Variants in GNAL observed in about 807,000 individuals in gnomAD.
The protein encoded by GNAL is G protein subunit alpha L.
Under a neutral mutation model 55.1 loss-of-function variants are expected in GNAL, and 18 were observed. The ratio of observed to expected loss-of-function variants is 0.33; its 90% CI spans 0.23 to 0.48. GNAL has a LOEUF of 0.48. Ranked by LOEUF, GNAL falls within the 20% of genes least tolerant of loss-of-function variation. The probability of loss-of-function intolerance (pLI) is 0.99; values close to 1 mark genes in which losing one functional copy is unlikely to be tolerated. For missense variants in GNAL, 412 were observed against 614.1 expected, an observed-to-expected ratio of 0.67 and a Z score of 3.48; for synonymous variants, 253 against 237.0, an observed-to-expected ratio of 1.07 and a Z score of -0.62.
chr18:11,743,975 T>A (rs972273401), intron 1 of GNAL, among the ~76,000 whole-genome samples: 1 of 152,222 alleles, frequency 6.6e-6, no homozygotes, highest in African/African-American at 2.4e-5. Context: ...TTCATTCTAT[T>A]TGCAGGTTCC....
Position 11,689,758 on chromosome 18 carries a change from G to T in GNAL, c.195G>T (p.Arg65=). ...RGGEGSPACA[R]PKADKPKEKR... is the part of the protein sequence containing the mutation. The stretch of plus-strand genomic sequence containing the variant: ...GCGAAGGGAGCCCGGCATGCGCTCG[G>T]CCCAAAGCAGACAAGCCGAAGGAGA... Residue 65 remains arginine, a synonymous_variant, in exon 1 of 12, where the codon CGG becomes CGT. Transcript: ENST00000334049. 6.6e-7 allele frequency: 1 copy of T among 1,514,632 alleles called. No homozygotes were observed. Among genetic ancestry groups the T allele is most frequent in the South Asian group, 1.2e-5 (1 of 81,554 alleles). 93.8% of individuals were successfully genotyped at this position (1,514,632 alleles called of 1,614,324 possible). A position where few individuals can be genotyped will look rare whatever the true frequency, so the allele number is the denominator to read the frequency against.
At chr18:11,765,797 T>C (rs770937214) in intron 4 of GNAL, among the ~76,000 whole-genome samples, 4 of 152,202 alleles carry the variant, frequency 2.6e-5, no homozygotes, top group Non-Finnish European at 5.9e-5. Context: ...ATTTTTTTTA[T>C]TATTATTTCT....
At chr18:11,795,443 T>A (rs1365499072) in intron 4 of GNAL, among the ~76,000 whole-genome samples, 4 of 151,084 alleles carry the variant, frequency 2.6e-5, no homozygotes, top group Non-Finnish European at 1.5e-5. Context: ...TGTACTATCA[T>A]TAGGAAAAAA....
chr18:11,822,694 G>C (rs1449681515), intron 4 of GNAL, among the ~76,000 whole-genome samples: 2 of 152,200 alleles, frequency 1.3e-5, no homozygotes, highest in South Asian at 2.1e-4. Context: ...TCTGGGGTCA[G>C]CACCGTGTGG....
At chr18:11,838,322 C>T (rs1481146203) in intron 5 of GNAL, among the ~76,000 whole-genome samples, 1 of 152,116 alleles carries the variant, frequency 6.6e-6, no homozygotes, top group African/African-American at 2.4e-5. Flanking sequence ...CATATGGTAT[C>T]ATTTCATTTA....
intron 1 of GNAL, among the ~76,000 whole-genome samples, chr18:11,709,210 A>G (rs1304430562): frequency 1.3e-5 from 2 of 151,472 alleles, no homozygotes; most frequent in African/African-American, 2.4e-5. Context: ...ACTGTGTAGT[A>G]TGTTTTGAAA....
Position 11,885,119 on chromosome 18 carries a change from A to G in GNAL, c.*3984A>G. The G allele has an allele frequency of 2.7e-6, 3 of 1,098,486 alleles. No homozygotes were observed. The South Asian group carries it at 4.5e-5, about 16-fold the overall frequency. 68.0% of individuals were successfully genotyped at this position (1,098,486 alleles called of 1,614,324 possible). A position where few individuals can be genotyped will look rare whatever the true frequency, so the allele number is the denominator to read the frequency against. The stretch of plus-strand genomic sequence containing the variant: ...CTTTTATGTGGAACAACAGTGGCAA[A>G]TGTTTTCATTTACTTTGAATTTGAA... On this transcript the variant is annotated 3_prime_UTR_variant, in exon 12 of 12. Transcript: ENST00000334049.
chr18:11,884,446 C>CATCTT lies in GNAL; in HGVS notation c.*3312_*3316dup. 6.2e-7 allele frequency: 1 copy of CATCTT among 1,613,230 alleles called. No individual in the cohort carries two copies. Among genetic ancestry groups the CATCTT allele is most frequent in the Non-Finnish European group, 8.5e-7 (1 of 1,179,402 alleles). On this transcript the variant is annotated 3_prime_UTR_variant, in exon 12 of 12. Coordinates refer to ENST00000334049, the MANE Select transcript of GNAL (RefSeq NM_182978.4). Reference sequence around the variant, plus strand: ...GATATTTATAATGGCGCCTGCTCTTCATCTTGTCTTACGCTTTCCGAGCAA... The same window carrying CATCTT: ...GATATTTATAATGGCGCCTGCTCTTCATCTTATCTTGTCTTACGCTTTCCGAGCAA...
At chr18:11,750,634 G>A (rs1425152379) in intron 1 of GNAL, among the ~76,000 whole-genome samples, 1 of 152,032 alleles carries the variant, frequency 6.6e-6, no homozygotes, top group African/African-American at 2.4e-5. Context: ...CTTGGCCCCT[G>A]GGGGGCCCTA....
chr18:11,719,303 A>G (rs992556568), intron 1 of GNAL, among the ~76,000 whole-genome samples: 14 of 151,890 alleles, frequency 9.2e-5, no homozygotes, highest in African/African-American at 3.1e-4. Context: ...TTTTTTTTTT[A>G]ATTTATCTTC....
Position 11,752,837 on chromosome 18 carries a change from TTC to T in GNAL, c.377-14_377-13del. 1.3e-6 allele frequency: 2 copies of T among 1,582,478 alleles called. No homozygotes were observed. The highest frequency in any genetic ancestry group is 1.7e-6 in the Non-Finnish European group (2 of 1,151,402). ...ATCCGGACACAGATCACAGCGTTCT[TTC>T]TGTTTGTTTGCAGGGGCTGGTGAGT... is the stretch of plus-strand genomic sequence containing the variant. On this transcript the variant is annotated splice_polypyrimidine_tract_variant and intron_variant, in intron 1 of 11. Transcript: ENST00000334049. The surrounding 1 kb of genome is among the most constrained non-coding windows in gnomAD (Gnocchi z 4.5).
At chr18:11,873,022 C>T (rs762548853) in intron 10 of GNAL, among the ~76,000 whole-genome samples, 10 of 152,144 alleles carry the variant, frequency 6.6e-5, no homozygotes, top group Admixed American at 1.3e-4. Flanking sequence ...GGCACGGGAC[C>T]GTCAGTGCTA....
intron 1 of GNAL, among the ~76,000 whole-genome samples, chr18:11,697,992 G>A (rs569914876): frequency 4.6e-5 from 7 of 152,136 alleles, no homozygotes; most frequent in South Asian, 2.1e-4. Context: ...CATGCCACCC[G>A]GAGAGGACAT....
chr18:11,826,206 G>C (rs966820302), intron 5 of GNAL, among the ~76,000 whole-genome samples: 1 of 151,956 alleles, frequency 6.6e-6, no homozygotes, highest in Non-Finnish European at 1.5e-5. Context: ...AGCCCAGAGA[G>C]CCAGGCTCCA....
intron 4 of GNAL, among the ~76,000 whole-genome samples, chr18:11,762,629 C>A (rs938709932): frequency 2.0e-5 from 3 of 152,136 alleles, no homozygotes; most frequent in African/African-American, 7.2e-5. Flanking sequence ...CCCTGCAGAC[C>A]AAAAGCCCAG....
rs768062583 is a variant in GNAL, at chr18:11,885,671, G to A, written c.*4536G>A. 1.8e-5 allele frequency: 29 copies of A among 1,609,506 alleles called. No individual in the cohort carries two copies. The highest frequency in any genetic ancestry group is 1.6e-4 in the African/African-American group (12 of 74,808). On this transcript the variant is annotated 3_prime_UTR_variant, in exon 12 of 12. Coordinates refer to ENST00000334049, the MANE Select transcript of GNAL (RefSeq NM_182978.4). ...CTTTCAGACAAAAATAAACTTTCAC[G>A]TTACCATGATGAAACTGGGGTTGTT...
chr18:11,839,261 T>G (rs1246123308), intron 5 of GNAL, among the ~76,000 whole-genome samples: 1 of 152,136 alleles, frequency 6.6e-6, no homozygotes, highest in Admixed American at 6.6e-5. Flanking sequence ...AATTAATTTT[T>G]GGCTGGGTAC....
At position 11,789,352 on chromosome 18, in the gene GNAL, G is replaced by A. The variant is rs72867016; in HGVS notation, c.624+35407G>A. Among the ~76,000 whole-genome samples the A allele has an allele frequency of 1.7e-3, 256 of 152,290 alleles. 1 individual carries two copies. Among genetic ancestry groups the A allele is most frequent in the Non-Finnish European group, 2.8e-3 (192 of 68,026 alleles). On this transcript the variant is annotated intron_variant, in intron 4 of 11. Coordinates refer to ENST00000334049, the MANE Select transcript of GNAL (RefSeq NM_182978.4). The stretch of plus-strand genomic sequence containing the variant: ...CAATAAGTGATACAAGAAGTGTAAA[G>A]TGGTTTTGAAAATTCTAGCCCCAGC...
At chr18:11,799,724 G>A (rs2034474343) in intron 4 of GNAL, among the ~76,000 whole-genome samples, 1 of 152,156 alleles carries the variant, frequency 6.6e-6, no homozygotes, top group South Asian at 2.1e-4. Flanking sequence ...AGCCATTTCA[G>A]ATAAGGGATA....
Sources: allele counts gnomAD v4.1 joint callset (sites outside exome capture counted in the v4.1 genomes callset), GRCh38; gene constraint gnomAD v4.1.1; non-coding constraint Gnocchi (gnomAD v3.1); transcripts MANE v1.5; gene names NCBI Gene and HGNC (gene_info 2026-07-23, HGNC 2026-07-21).